PREP: variants seen among roughly 807,000 people sequenced by gnomAD.
PREP encodes the protein dJ355L5.1 (prolyl endopeptidase).
A neutral mutation model predicts 87.6 loss-of-function variants in PREP; 29 were observed. The ratio of observed to expected loss-of-function variants is 0.33; its 90% confidence interval spans 0.25 to 0.45. PREP has a LOEUF of 0.45. Ranked by LOEUF, PREP falls within the 20% of genes least tolerant of loss-of-function variation. The pLI is 1.00. For missense variants in PREP, 695 were observed against 886.5 expected, an observed-to-expected ratio of 0.78 and a Z score of 2.74; for synonymous variants, 337 against 328.6, an observed-to-expected ratio of 1.03 and a Z score of -0.28.
chr6:105,275,099 G>A lies in PREP; in HGVS notation c.*3045C>T, dbSNP rs763498177. Among the ~76,000 whole-genome samples the A allele has an allele frequency of 3.9e-5, 6 of 152,090 alleles. No individual in the cohort carries two copies. Among genetic ancestry groups the A allele is most frequent in the Non-Finnish European group, 7.4e-5 (5 of 68,018 alleles). On this transcript the variant is annotated 3_prime_UTR_variant, in exon 15 of 15. Coordinates refer to ENST00000652536, the MANE Select transcript of PREP (RefSeq NM_002726.5). ...CAAGGGCCTCAGTCCTCATCCCACT[G>A]GCCTGACCACCCCAACAGTATGACC...
intron 11 of PREP, 26 bp downstream of exon 11, chr6:105,288,732 G>A (rs762089423): frequency 1.2e-6 from 2 of 1,611,292 alleles, no homozygotes; most frequent in African/African-American, 1.3e-5. Flanking sequence ...TAAAATACTG[G>A]CACTCTGAGT....
At chr6:105,382,242 A>G (rs1772861709) in intron 2 of PREP, among the ~76,000 whole-genome samples, 1 of 150,600 alleles carries the variant, frequency 6.6e-6, no homozygotes, top group East Asian at 1.9e-4. Flanking sequence ...CTGCCTGAAA[A>G]TTGCTAAGAG....
Position 105,402,700 on chromosome 6 carries a change from G to C in PREP, c.45+147C>G, listed in dbSNP as rs1160294144. ...CGCTGCAGAGGAGCCCCGCGCCCCC[G>C]GCCCAATTCTCCCAAACAAAGGCCG... On this transcript the variant is annotated intron_variant, in intron 1 of 14. Coordinates refer to ENST00000652536, the MANE Select transcript of PREP (RefSeq NM_002726.5). The C allele has an allele frequency of 1.2e-5, 8 of 666,842 alleles. No individual in the cohort carries two copies. In the East Asian group the frequency reaches 1.5e-4, roughly 13 times the overall value. 41.3% of individuals were successfully genotyped at this position (666,842 alleles called of 1,614,324 possible).
intron 1 of PREP, among the ~76,000 whole-genome samples, chr6:105,399,323 T>C (rs1041542294): frequency 2.0e-5 from 3 of 152,194 alleles, no homozygotes; most frequent in Non-Finnish European, 2.9e-5. Flanking sequence ...CTAGTGCTGC[T>C]CTAGTTCCAG....
intron 10 of PREP, chr6:105,322,695 A>T (rs1028778471): frequency 1.5e-5 from 15 of 997,674 alleles, no homozygotes; most frequent in Admixed American, 5.6e-5. Context: ...CCAATAAAAC[A>T]GGAGGCCAGT....
At chr6:105,307,117 G>T (rs1187035902) in intron 10 of PREP, among the ~76,000 whole-genome samples, 1 of 152,048 alleles carries the variant, frequency 6.6e-6, no homozygotes, top group East Asian at 1.9e-4. Context: ...TGAGACTCTG[G>T]GATCATTACT....
intron 6 of PREP, among the ~76,000 whole-genome samples, chr6:105,367,037 A>G (rs557007669): frequency 6.6e-6 from 1 of 152,310 alleles, no homozygotes; most frequent in South Asian, 2.1e-4. Flanking sequence ...TTGTACAACA[A>G]TGTCAATGAA....
At position 105,320,440 on chromosome 6, in the gene PREP, C is replaced by T. The variant is rs963913500; in HGVS notation, c.1317+3225G>A. On this transcript the variant is annotated intron_variant, in intron 10 of 14. Coordinates refer to ENST00000652536, the MANE Select transcript of PREP (RefSeq NM_002726.5). ...ACACCAGATCCCTCACCTTCCCAGT[C>T]GAGATGCTCAGGGTCTTAAGGGAAT... 1.3e-5 allele frequency among the ~76,000 whole-genome samples: 2 copies of T among 152,134 alleles called. 1 individual carries two copies. The highest frequency in any genetic ancestry group is 2.9e-5 in the Non-Finnish European group (2 of 68,018).
At position 105,278,567 on chromosome 6, in the gene PREP, C is replaced by G; in HGVS notation, c.1839-129G>C. The G allele has an allele frequency of 1.0e-6, 1 of 956,530 alleles. No homozygotes were observed. Among genetic ancestry groups the G allele is most frequent in the Non-Finnish European group, 1.5e-6 (1 of 656,498 alleles). The allele number at this position is 956,530 out of a possible 1,614,324, so 59.3% of individuals were successfully genotyped here. ...ACGTGAGTGACCACCATGGACTGTG[C>G]CTATGCGTTACCATTTAGGCCATGA... On this transcript the variant is annotated intron_variant, in intron 14 of 14. Transcript: ENST00000652536. The surrounding 1 kb of genome is among the most constrained non-coding windows in gnomAD (Gnocchi z 4.2).
chr6:105,353,278 A>G lies in PREP; in HGVS notation c.718-201T>C, dbSNP rs751319469. On this transcript the variant is annotated intron_variant, in intron 6 of 14. Coordinates refer to ENST00000652536, the MANE Select transcript of PREP (RefSeq NM_002726.5). ...ATTTCACCCATAATCACAGTTTAAC[A>G]AAACACAGTGAATTATTTTAGTTGA... is the stretch of plus-strand genomic sequence containing the variant. Among the ~76,000 whole-genome samples, 14 of 152,372 alleles carry G rather than the reference A, an allele frequency of 9.2e-5. No individual in the cohort carries two copies. In the Middle Eastern group the frequency reaches 0.014, roughly 148 times the overall value.
intron 5 of PREP, among the ~76,000 whole-genome samples, chr6:105,370,387 CTGTCCACGTTG>C (rs1562219672): frequency 6.6e-6 from 1 of 151,686 alleles, no homozygotes; most frequent in Non-Finnish European, 1.5e-5. Context: ...GCACCAAATG[CTGTCCACGTTG>C]TGGAACAAGA....
intron 10 of PREP, 134 bp downstream of exon 10, chr6:105,323,531 G>A (rs12213914): frequency 0.074 from 58,863 of 798,840 alleles, 2,684 homozygotes; most frequent in South Asian, 0.14. Flanking sequence ...CTCAATGACC[G>A]TCAACCGTGG....
At chr6:105,290,696 C>A (rs998003713) in intron 10 of PREP, among the ~76,000 whole-genome samples, 1 of 152,186 alleles carries the variant, frequency 6.6e-6, no homozygotes, top group Non-Finnish European at 1.5e-5. Flanking sequence ...TGAAAGCCAG[C>A]CTGCAACTCT....
intron 9 of PREP, 106 bp from the exon 10 acceptor site, chr6:105,323,874 A>G: frequency 1.1e-6 from 1 of 948,056 alleles, no homozygotes; most frequent in Non-Finnish European, 1.7e-6. Flanking sequence ...AGAGAGGATC[A>G]TTTATCAGGG....
At chr6:105,282,189 T>C (rs1344337392) in intron 13 of PREP, among the ~76,000 whole-genome samples, 1 of 152,098 alleles carries the variant, frequency 6.6e-6, no homozygotes, top group Admixed American at 6.6e-5. Context: ...CCTCCTCCCA[T>C]CCCCACTTGC....
chr6:105,311,740 G>T (rs188059201), intron 10 of PREP, among the ~76,000 whole-genome samples: 7 of 152,250 alleles, frequency 4.6e-5, no homozygotes, highest in Admixed American at 2.6e-4. Context: ...ACAAACTGAC[G>T]GGATGAATGA....
At chr6:105,397,528 C>T (rs895779158) in intron 2 of PREP, among the ~76,000 whole-genome samples, 2 of 152,148 alleles carry the variant, frequency 1.3e-5, no homozygotes, top group African/African-American at 4.8e-5. Context: ...TTTCCTTTAA[C>T]ATCATTTCTA....
chr6:105,280,581 TA>T (rs1345489660), intron 14 of PREP: 1 of 152,168 alleles, frequency 6.6e-6, no homozygotes, highest in Non-Finnish European at 1.5e-5. Flanking sequence ...AAAAGAAGTT[TA>T]ATTGTATTTG....
At chr6:105,349,378 C>T (rs752990752) in intron 7 of PREP, among the ~76,000 whole-genome samples, 1 of 152,192 alleles carries the variant, frequency 6.6e-6, no homozygotes, top group South Asian at 2.1e-4. Flanking sequence ...TCATACAGAT[C>T]GCATTTAACT....
Sources: allele counts gnomAD v4.1 joint callset (sites outside exome capture counted in the v4.1 genomes callset), GRCh38; gene constraint gnomAD v4.1.1; non-coding constraint Gnocchi (gnomAD v3.1); transcripts MANE v1.5; gene names NCBI Gene and HGNC (gene_info 2026-07-23, HGNC 2026-07-21).